The following ELMO1 variants were observed in gnomAD, a reference collection of about 807,000 sequenced individuals.
ELMO1 encodes engulfment and cell motility protein 1.
ELMO1 carries 26 observed loss-of-function variants against 98.9 expected under a neutral mutation model. The ratio of observed to expected loss-of-function variants is 0.26; its 90% CI spans 0.19 to 0.36. The LOEUF (loss-of-function observed/expected upper bound fraction) is 0.36. ELMO1 is among the 10% of genes least tolerant of loss of function. The pLI, the probability that ELMO1 is intolerant of heterozygous loss-of-function variation, is 1.00. For missense variants in ELMO1, 627 were observed against 935.2 expected, an observed-to-expected ratio of 0.67 and a Z score of 4.30; for synonymous variants, 346 against 346.0, an observed-to-expected ratio of 1.00 and a Z score of 0.00.
chr7:37,210,830 G>A (rs6980211), intron 13 of ELMO1, among the ~76,000 whole-genome samples: 70,335 of 151,704 alleles, frequency 0.46, 17,656 homozygotes, highest in African/African-American at 0.67. Context: ...AAACAGAAAT[G>A]AAAACAATGG....
chr7:37,194,018 T>C (rs1238597327), intron 13 of ELMO1, among the ~76,000 whole-genome samples: 1 of 152,176 alleles, frequency 6.6e-6, no homozygotes, highest in African/African-American at 2.4e-5. Flanking sequence ...CTGGCTCTCC[T>C]GGAGAAATTC....
chr7:36,895,248 G>A (rs1478715217), intron 16 of ELMO1, among the ~76,000 whole-genome samples: 1 of 152,172 alleles, frequency 6.6e-6, no homozygotes, highest in Non-Finnish European at 1.5e-5. Flanking sequence ...GGAACTGGTG[G>A]GGTGGGGAAG....
At chr7:36,897,662 G>T (rs935564122) in intron 16 of ELMO1, among the ~76,000 whole-genome samples, 1 of 152,112 alleles carries the variant, frequency 6.6e-6, no homozygotes, top group African/African-American at 2.4e-5. Flanking sequence ...GTGCACCTCT[G>T]CAAGGAAATC....
chr7:37,389,507 C>G (rs1371760171), intron 1 of ELMO1, among the ~76,000 whole-genome samples: 1 of 152,162 alleles, frequency 6.6e-6, no homozygotes, highest in African/African-American at 2.4e-5. Context: ...CTAGCGGAAG[C>G]AATGAAGTTG....
intron 4 of ELMO1, among the ~76,000 whole-genome samples, chr7:37,312,827 A>G (rs1798957001): frequency 6.6e-6 from 1 of 152,206 alleles, no homozygotes; most frequent in African/African-American, 2.4e-5. Context: ...TCACCAGTGT[A>G]ATCTACATGT....
chr7:37,302,345 A>C (rs1798393067), intron 4 of ELMO1, among the ~76,000 whole-genome samples: 1 of 152,116 alleles, frequency 6.6e-6, no homozygotes, highest in Non-Finnish European at 1.5e-5. Flanking sequence ...TGGAGAGATA[A>C]AGTACAGCAG....
chr7:36,883,748 C>A (rs188089902), intron 18 of ELMO1, among the ~76,000 whole-genome samples: 2 of 152,268 alleles, frequency 1.3e-5, no homozygotes, highest in African/African-American at 4.8e-5. Context: ...GAACCGTGAA[C>A]CAATTAAACC....
chr7:37,225,969 G>A (rs1377599396), intron 8 of ELMO1, among the ~76,000 whole-genome samples: 1 of 152,042 alleles, frequency 6.6e-6, no homozygotes, highest in East Asian at 1.9e-4. Context: ...CTTCCCCCCT[G>A]TCAACACTAA....
chr7:36,986,129 A>C, intron 16 of ELMO1: 1 of 987,978 alleles, frequency 1.0e-6, no homozygotes, highest in Non-Finnish European at 1.2e-6. Flanking sequence ...ATACACTCCA[A>C]GTCCAGAAGA....
intron 16 of ELMO1, among the ~76,000 whole-genome samples, chr7:36,903,663 C>T (rs1400586108): frequency 6.6e-6 from 1 of 152,156 alleles, no homozygotes; most frequent in Non-Finnish European, 1.5e-5. Context: ...GCATGCACAG[C>T]TAGGGTGGAG....
At chr7:36,880,991 T>C (rs1804407065) in intron 18 of ELMO1, among the ~76,000 whole-genome samples, 1 of 152,220 alleles carries the variant, frequency 6.6e-6, no homozygotes. Flanking sequence ...CTCCTACCTC[T>C]GGCTAATTCT....
At position 36,870,444 on chromosome 7, in the gene ELMO1, C is replaced by T. The variant is rs1433041331; in HGVS notation, c.1854G>A (p.Thr618=). 12 of 1,613,912 alleles carry T rather than the reference C, an allele frequency of 7.4e-6. No individual in the cohort carries two copies. Among genetic ancestry groups the T allele is most frequent in the African/African-American group, 1.3e-5 (1 of 74,906 alleles). The stretch of plus-strand genomic sequence containing the variant: ...CTTTCATATGAGGGCAGTCCTTTCC[C>T]GTCACCACGGCTTTGATATCTGCCA... The part of the protein sequence containing the change: ...LPVADIKAVV[T]GKDCPHMKEK... Residue 618 remains threonine (T), a synonymous_variant, in exon 20 of 22, where the codon ACG becomes ACA. Coordinates refer to ENST00000310758, the MANE Select transcript of ELMO1 (RefSeq NM_014800.11). The surrounding 1 kb of genome is among the most constrained non-coding windows in gnomAD (Gnocchi z 4.4).
At chr7:37,075,706 G>A (rs896984503) in intron 15 of ELMO1, among the ~76,000 whole-genome samples, 2 of 152,234 alleles carry the variant, frequency 1.3e-5, no homozygotes, top group East Asian at 3.9e-4. Context: ...CCTTCTAGGA[G>A]GGGGAGAAGC....
intron 1 of ELMO1, among the ~76,000 whole-genome samples, chr7:37,348,390 G>A (rs1424920294): frequency 6.6e-6 from 1 of 152,018 alleles, no homozygotes; most frequent in Non-Finnish European, 1.5e-5. Flanking sequence ...AATCCCAGGT[G>A]GTGGGTAAAG....
intron 14 of ELMO1, among the ~76,000 whole-genome samples, chr7:37,123,462 C>A (rs905698400): frequency 1.1e-4 from 16 of 152,120 alleles, no homozygotes; most frequent in African/African-American, 3.4e-4. Flanking sequence ...GGTATCACCA[C>A]CAATCCCACA....
At chr7:37,416,716 C>T (rs897890582) in intron 1 of ELMO1, among the ~76,000 whole-genome samples, 6 of 152,182 alleles carry the variant, frequency 3.9e-5, no homozygotes, top group South Asian at 2.1e-4. Flanking sequence ...GGAAGCCCAA[C>T]GAAGAAAGTA....
chr7:37,179,341 G>A (rs138932888), intron 13 of ELMO1, among the ~76,000 whole-genome samples: 7,455 of 148,018 alleles, frequency 0.05, 304 homozygotes, highest in East Asian at 0.13. Context: ...GCACTGGCGC[G>A]ATCTTGGCTC....
chr7:37,386,886 T>C (rs961444188), intron 1 of ELMO1, among the ~76,000 whole-genome samples: 6 of 152,224 alleles, frequency 3.9e-5, no homozygotes, highest in Non-Finnish European at 4.4e-5. Flanking sequence ...CACATTGTAA[T>C]TGACTCAGAG....
intron 10 of ELMO1, among the ~76,000 whole-genome samples, chr7:37,217,045 GT>G (rs1793324344): frequency 6.6e-6 from 1 of 152,044 alleles, no homozygotes; most frequent in South Asian, 2.1e-4. Flanking sequence ...GACTACGTAC[GT>G]GCAGAAAGCT....
Sources: gnomAD v4.1 joint callset for allele counts (sites outside exome capture counted in the v4.1 genomes callset) on GRCh38, gnomAD v4.1.1 for gene constraint, Gnocchi (gnomAD v3.1) non-coding constraint, MANE v1.5 for transcripts, NCBI Gene and HGNC (gene_info 2026-07-23, HGNC 2026-07-21) for gene names.